RIPPLY3: variants seen among roughly 807,000 people sequenced by gnomAD.
RIPPLY3 encodes protein ripply3.
Under a neutral mutation model 11.9 loss-of-function variants are expected in RIPPLY3, and 8 were observed. The ratio of observed to expected loss-of-function variants is 0.67; its 90% CI spans 0.40 to 1.21. RIPPLY3 has a LOEUF of 1.21. Among genes scored for constraint, RIPPLY3 ranks in the 50% most tolerant of loss-of-function variants. RIPPLY3 has a pLI of 0.01. For synonymous variants in RIPPLY3, 102 were observed against 99.0 expected, an observed-to-expected ratio of 1.03 and a Z score of -0.18; for missense variants, 271 against 246.0, an observed-to-expected ratio of 1.10 and a Z score of -0.68.
chr21:37,017,158 A>G (rs1157669990), intron 3 of RIPPLY3, among the ~76,000 whole-genome samples: 3 of 149,154 alleles, frequency 2.0e-5, no homozygotes, highest in Non-Finnish European at 2.9e-5. Flanking sequence ...CTTTCAAAAA[A>G]AAAAAAAAAA....
At chr21:37,007,093 G>A (rs1454687604) in intron 1 of RIPPLY3, among the ~76,000 whole-genome samples, 1 of 152,250 alleles carries the variant, frequency 6.6e-6, no homozygotes, top group African/African-American at 2.4e-5. Flanking sequence ...TCTGAAGTGC[G>A]GAGGCCCAGG....
chr21:37,017,119 C>CTCCAGCCT (rs2069586629), intron 3 of RIPPLY3, among the ~76,000 whole-genome samples: 1 of 147,458 alleles, frequency 6.8e-6, no homozygotes, highest in Admixed American at 6.9e-5. Context: ...CGCCACTGCA[C>CTCCAGCCT]TCCAGCCTGG....
At chr21:37,016,943 G>A (rs1368439018) in intron 3 of RIPPLY3, among the ~76,000 whole-genome samples, 2 of 152,036 alleles carry the variant, frequency 1.3e-5, no homozygotes, top group African/African-American at 2.4e-5. Flanking sequence ...ATCATTTGAG[G>A]TCAGGAGTTC....
rs376035189 is a variant in RIPPLY3 at position 37,019,264 on chromosome 21, C to CAAAAAAAAA, written c.*1070_*1078dup. 13 of 97,480 alleles carry CAAAAAAAAA rather than the reference C, an allele frequency of 1.3e-4. No homozygotes were observed. The highest frequency in any genetic ancestry group is 2.0e-4 in the Non-Finnish European group (10 of 50,018). The allele number at this position is 97,480 out of a possible 1,614,324, so 6.0% of individuals were successfully genotyped here. On this transcript the variant is annotated 3_prime_UTR_variant, in exon 4 of 4. Coordinates refer to ENST00000329553, the MANE Select transcript of RIPPLY3 (RefSeq NM_018962.3). Reference sequence around the variant, plus strand: ...GGGCAACAAGAGCGAAACTCCGTCTCAAAAAAAAAAAAAAAAAAAAAGAAA... The same window carrying CAAAAAAAAA: ...GGGCAACAAGAGCGAAACTCCGTCTCAAAAAAAAAAAAAAAAAAAAAAAAAAAAAAGAAA...
intron 3 of RIPPLY3, among the ~76,000 whole-genome samples, chr21:37,014,284 C>G (rs997794293): frequency 1.4e-4 from 22 of 152,206 alleles, no homozygotes; most frequent in Middle Eastern, 3.4e-3. Flanking sequence ...CGCCACTGTA[C>G]TCCAGCCTGG....
chr21:37,013,543 C>G lies in RIPPLY3; in HGVS notation c.172-8C>G, dbSNP rs967167500. 6.2e-7 allele frequency: 1 copy of G among 1,612,720 alleles called. No individual in the cohort carries two copies. The highest frequency in any genetic ancestry group is 1.3e-5 in the African/African-American group (1 of 75,024). On this transcript the variant is annotated splice_region_variant and splice_polypyrimidine_tract_variant and intron_variant, in intron 2 of 3. Coordinates refer to ENST00000329553, the MANE Select transcript of RIPPLY3 (RefSeq NM_018962.3). ...TGTCTCTGTGTTTGTATGTGTCTGTCGTTACAGCTTGAACCTAGGGCTGAC... is the reference window on the plus strand; with the variant it reads ...TGTCTCTGTGTTTGTATGTGTCTGTGGTTACAGCTTGAACCTAGGGCTGAC...
chr21:37,018,549 A>T lies in RIPPLY3; in HGVS notation c.*342A>T. On this transcript the variant is annotated 3_prime_UTR_variant, in exon 4 of 4. Transcript: ENST00000329553. The stretch of plus-strand genomic sequence containing the variant: ...ATGAATTCTTCCTAGATAGTCGCCC[A>T]CTCCACCTCCTACTTAACCTGAGAC... The T allele has an allele frequency of 4.0e-6, 1 of 253,086 alleles. No individual in the cohort carries two copies. The highest frequency in any genetic ancestry group is 7.5e-6 in the Non-Finnish European group (1 of 133,558). The allele number at this position is 253,086 out of a possible 1,614,324, so 15.7% of individuals were successfully genotyped here.
chr21:37,008,533 GGATC>G (rs1289726462), intron 2 of RIPPLY3, among the ~76,000 whole-genome samples: 1 of 152,092 alleles, frequency 6.6e-6, no homozygotes, highest in African/African-American at 2.4e-5. Flanking sequence ...CGAGACGGGT[GGATC>G]ACCTGAAGTC....
Position 37,006,714 on chromosome 21 carries a change from G to A in RIPPLY3, c.-59G>A. On this transcript the variant is annotated 5_prime_UTR_variant, in exon 1 of 4. Transcript: ENST00000329553. The surrounding 1 kb of genome is among the most constrained non-coding windows in gnomAD (Gnocchi z 5.2). The stretch of plus-strand genomic sequence containing the variant: ...GGTAGGTGAGCGCGTTAGCCCGAGT[G>A]GATCTAGGCGCGCTCGTAGGCCGGC... The A allele has an allele frequency of 1.5e-5, 16 of 1,099,482 alleles. No individual in the cohort carries two copies. The highest frequency in any genetic ancestry group is 1.8e-5 in the Non-Finnish European group (16 of 870,488). 68.1% of individuals were successfully genotyped at this position (1,099,482 alleles called of 1,614,324 possible).
chr21:37,013,366 G>A (rs1569286746), intron 2 of RIPPLY3, among the ~76,000 whole-genome samples, 185 bp from the exon 3 acceptor site: 1 of 152,286 alleles, frequency 6.6e-6, no homozygotes, highest in East Asian at 1.9e-4. Context: ...CAGTGCCTGG[G>A]ACATTTTGGG....
rs201035041 is a variant in RIPPLY3 at position 37,011,980 on chromosome 21, T to C, written c.172-1571T>C. Among the ~76,000 whole-genome samples the C allele has an allele frequency of 6.1e-5, 9 of 147,786 alleles. No homozygotes were observed. The East Asian group carries it at 1.6e-3, about 26-fold the overall frequency. The stretch of plus-strand genomic sequence containing the variant: ...AAAATGGCAGGGAAAATGTAATGTC[T>C]GCAGAGGCTCCTTACAGGCGAATTT... On this transcript the variant is annotated intron_variant, in intron 2 of 3. Coordinates refer to ENST00000329553, the MANE Select transcript of RIPPLY3 (RefSeq NM_018962.3).
At chr21:37,009,094 G>A (rs182372461) in intron 2 of RIPPLY3, among the ~76,000 whole-genome samples, 1 of 152,312 alleles carries the variant, frequency 6.6e-6, no homozygotes, top group East Asian at 1.9e-4. Context: ...TTGTGGGCAA[G>A]ATTAATGACC....
intron 3 of RIPPLY3, among the ~76,000 whole-genome samples, chr21:37,014,232 C>A (rs1403819043): frequency 1.3e-5 from 2 of 152,010 alleles, no homozygotes; most frequent in East Asian, 3.9e-4. Flanking sequence ...GCAGGAGAAT[C>A]GCTTGAATCT....
At chr21:37,013,500 C>A in intron 2 of RIPPLY3, 51 bp from the exon 3 acceptor site, 1 of 1,513,240 alleles carries the variant, frequency 6.6e-7, no homozygotes, top group Non-Finnish European at 9.1e-7. Context: ...AGGATGTCAC[C>A]TTCCGACACT....
chr21:37,006,746 G>A lies in RIPPLY3; in HGVS notation c.-27G>A. On this transcript the variant is annotated 5_prime_UTR_variant, in exon 1 of 4. Transcript: ENST00000329553. The surrounding 1 kb of genome is among the most constrained non-coding windows in gnomAD (Gnocchi z 5.2). ...GGCGCGCTCGTAGGCCGGCGCCGCA[G>A]CAAGGGGCGCGGGCTCCGCCGGCAC... The A allele has an allele frequency of 1.6e-6, 2 of 1,214,232 alleles. No homozygotes were observed. Among genetic ancestry groups the A allele is most frequent in the South Asian group, 3.9e-5 (1 of 25,860 alleles). 75.2% of individuals were successfully genotyped at this position (1,214,232 alleles called of 1,614,324 possible).
At chr21:37,008,775 A>G (rs1013302617) in intron 2 of RIPPLY3, among the ~76,000 whole-genome samples, 2 of 151,792 alleles carry the variant, frequency 1.3e-5, no homozygotes, top group Non-Finnish European at 2.9e-5. Flanking sequence ...AAAAAAAAAA[A>G]AAAAACCGTA....
At chr21:37,013,155 T>C (rs1226878427) in intron 2 of RIPPLY3, among the ~76,000 whole-genome samples, 1 of 152,186 alleles carries the variant, frequency 6.6e-6, no homozygotes, top group Admixed American at 6.5e-5. Context: ...AGTCTTAGAA[T>C]TGCAAACCCA....
intron 2 of RIPPLY3, among the ~76,000 whole-genome samples, chr21:37,010,564 C>T (rs1246471096): frequency 1.3e-5 from 2 of 152,214 alleles, no homozygotes; most frequent in Non-Finnish European, 1.5e-5. Flanking sequence ...CTGAGCAGCA[C>T]GGTCACCCTC....
At position 37,006,753 on chromosome 21, in the gene RIPPLY3, G is replaced by T; in HGVS notation, c.-20G>T. 1.1e-5 allele frequency: 13 copies of T among 1,223,490 alleles called. No individual in the cohort carries two copies. Among genetic ancestry groups the T allele is most frequent in the Non-Finnish European group, 1.3e-5 (13 of 981,074 alleles). The allele number at this position is 1,223,490 out of a possible 1,614,324, so 75.8% of individuals were successfully genotyped here. On this transcript the variant is annotated 5_prime_UTR_variant, in exon 1 of 4. Coordinates refer to ENST00000329553, the MANE Select transcript of RIPPLY3 (RefSeq NM_018962.3). The surrounding 1 kb of genome is among the most constrained non-coding windows in gnomAD (Gnocchi z 5.2). The stretch of plus-strand genomic sequence containing the variant: ...TCGTAGGCCGGCGCCGCAGCAAGGG[G>T]CGCGGGCTCCGCCGGCACCATGGAG...
Sources: allele counts gnomAD v4.1 joint callset (sites outside exome capture counted in the v4.1 genomes callset), GRCh38; gene constraint gnomAD v4.1.1; non-coding constraint Gnocchi (gnomAD v3.1); transcripts MANE v1.5; gene names NCBI Gene and HGNC (gene_info 2026-07-23, HGNC 2026-07-21).